Variants in PCDHA13 observed in about 807,000 individuals in gnomAD.
The protein encoded by PCDHA13 is protocadherin alpha 13.
Under a neutral mutation model 64.8 loss-of-function variants are expected in PCDHA13, and 54 were observed. That is an observed-to-expected ratio of 0.83 (90% CI 0.67 to 1.04). The LOEUF (loss-of-function observed/expected upper bound fraction) is 1.04, where lower values mean the gene tolerates loss of function less well. Ranked by LOEUF, PCDHA13 falls within the 50% of genes least tolerant of loss-of-function variation. The pLI, the probability that PCDHA13 is intolerant of heterozygous loss-of-function variation, is 0.00. For missense variants in PCDHA13, 1,248 were observed against 1,254.3 expected (o/e 0.99, Z 0.08); for synonymous variants, 587 against 564.4 (o/e 1.04, Z -0.57).
intron 1 of PCDHA13, among the ~76,000 whole-genome samples, chr5:140,899,481 G>T (rs2153464125): frequency 6.6e-6 from 1 of 152,230 alleles, no homozygotes; most frequent in East Asian, 1.9e-4. Flanking sequence ...CTGTTTATAT[G>T]CTGGATTACA....
At chr5:140,900,776 G>A (rs1407126944) in intron 1 of PCDHA13, among the ~76,000 whole-genome samples, 1 of 152,172 alleles carries the variant, frequency 6.6e-6, no homozygotes, top group Non-Finnish European at 1.5e-5. Flanking sequence ...GCTTTTTGAG[G>A]AAACTCCAAA....
chr5:140,968,401 C>A, intron 1 of PCDHA13: 4 of 1,613,984 alleles, frequency 2.5e-6, no homozygotes, highest in Non-Finnish European at 2.5e-6. Context: ...TTCGGGAGTT[C>A]TTTGTGACTG....
At chr5:140,928,304 AC>A (rs782506310) in intron 1 of PCDHA13, 98 of 1,613,908 alleles carry the variant, frequency 6.1e-5, no homozygotes, top group Non-Finnish European at 7.9e-5. Flanking sequence ...TTTGCCCAGG[AC>A]CCCGACCTGG....
In PCDHA13 at chr5:140,883,484, T is replaced by C; in HGVS notation, c.1216T>C (p.Ser406Pro). 6.2e-7 allele frequency: 1 copy of C among 1,614,066 alleles called. No homozygotes were observed. The highest frequency in any genetic ancestry group is 8.5e-7 in the Non-Finnish European group (1 of 1,180,028). Residue 406 changes from serine (S) to proline (P), a missense_variant, in exon 1 of 4, where the codon TCA becomes CCA. Physicochemically the swap from Ser to Pro is moderately conservative, Grantham distance 74 (BLOSUM62 -1). Transcript: ENST00000289272. The stretch of plus-strand genomic sequence containing the variant: ...GGTGTCCACCTACAAGAACTACTAC[T>C]CATTAGTGCTGGACAGCGCCCTGGA... ...KLVSTYKNYY[S>P]LVLDSALDRE... is the part of the protein sequence containing the mutation.
chr5:140,942,145 CAT>C (rs2093239780), intron 1 of PCDHA13, among the ~76,000 whole-genome samples: 1 of 152,176 alleles, frequency 6.6e-6, no homozygotes, highest in African/African-American at 2.4e-5. Context: ...CTTTACTTGA[CAT>C]AAAACAGCTT....
rs1422050863 is a variant in PCDHA13 at position 140,908,165 on chromosome 5, G to A, written c.2394+23503G>A. ...GTATGTCCTAGGAAGGGGCTGTAGT[G>A]CTGCAGCTGTCCACTTTCAGGTGGT... On this transcript the variant is annotated intron_variant, in intron 1 of 3. Coordinates refer to ENST00000289272, the MANE Select transcript of PCDHA13 (RefSeq NM_018904.3). 2.6e-5 allele frequency among the ~76,000 whole-genome samples: 4 copies of A among 152,222 alleles called. 1 individual carries two copies. The highest frequency in any genetic ancestry group is 5.9e-5 in the Non-Finnish European group (4 of 68,046).
At chr5:140,921,958 A>G (rs155363) in intron 1 of PCDHA13, among the ~76,000 whole-genome samples, 87,659 of 151,706 alleles carry the variant, frequency 0.58, 26,267 homozygotes, top group African/African-American at 0.75. Flanking sequence ...AAATCCCAGA[A>G]AACCAAAGGA....
chr5:140,966,726 C>T, intron 1 of PCDHA13: 3 of 1,402,206 alleles, frequency 2.1e-6, no homozygotes, highest in Non-Finnish European at 1.8e-6. Flanking sequence ...GAAGCTGCCG[C>T]CTCCGGCCCT....
At chr5:140,927,472 G>T (rs201932518) in intron 1 of PCDHA13, 4 of 1,614,094 alleles carry the variant, frequency 2.5e-6, no homozygotes, top group African/African-American at 1.3e-5. Context: ...ACTGGATCGC[G>T]AACAGCGCGC....
At chr5:140,917,117 C>A (rs1318149439) in intron 1 of PCDHA13, among the ~76,000 whole-genome samples, 1 of 152,018 alleles carries the variant, frequency 6.6e-6, no homozygotes, top group Non-Finnish European at 1.5e-5. Flanking sequence ...CCTCCAAGTG[C>A]GCAGACTCCC....
Position 140,914,249 on chromosome 5 carries a change from G to T in PCDHA13, c.2394+29587G>T, listed in dbSNP as rs186578589. 2.8e-3 allele frequency among the ~76,000 whole-genome samples: 422 copies of T among 152,092 alleles called. 2 individuals carry two copies. Among genetic ancestry groups the T allele is most frequent in the Middle Eastern group, 0.014 (4 of 294 alleles). ...AATACTATTTGCTTTTTATATCTGG[G>T]TGCTTCAATGGTGGGTGCATATATA... is the stretch of plus-strand genomic sequence containing the variant. On this transcript the variant is annotated intron_variant, in intron 1 of 3. Coordinates refer to ENST00000289272, the MANE Select transcript of PCDHA13 (RefSeq NM_018904.3).
rs375332226 is a variant in PCDHA13 at position 141,003,567 on chromosome 5, ACTCCCAAAGTG to A, written c.2543-6057_2543-6047del. Among the ~76,000 whole-genome samples, 186 of 152,020 alleles carry A rather than the reference ACTCCCAAAGTG, an allele frequency of 1.2e-3. 1 individual carries two copies. Among genetic ancestry groups the A allele is most frequent in the African/African-American group, 4.1e-3 (172 of 41,464 alleles). On this transcript the variant is annotated intron_variant, in intron 3 of 3. Coordinates refer to ENST00000289272, the MANE Select transcript of PCDHA13 (RefSeq NM_018904.3). ...GCTTCAAGTGATCCACCTGCCTCAGACTCCCAAAGTGCTGGGATTTTAGATGTGAGCCACCA... is the reference window on the plus strand; with the variant it reads ...GCTTCAAGTGATCCACCTGCCTCAGACTGGGATTTTAGATGTGAGCCACCA...
At chr5:140,895,389 C>T (rs553681530) in intron 1 of PCDHA13, among the ~76,000 whole-genome samples, 1 of 152,098 alleles carries the variant, frequency 6.6e-6, no homozygotes, top group South Asian at 2.1e-4. Context: ...CTTCAATTCT[C>T]AACACCATCA....
chr5:140,913,276 CT>C (rs1468388675), intron 1 of PCDHA13, among the ~76,000 whole-genome samples: 1 of 152,070 alleles, frequency 6.6e-6, no homozygotes, highest in Non-Finnish European at 1.5e-5. Flanking sequence ...TGTTATTGGT[CT>C]GTTTAGGTTT....
intron 1 of PCDHA13, chr5:140,927,681 G>A: frequency 6.2e-7 from 1 of 1,614,180 alleles, no homozygotes; most frequent in Non-Finnish European, 8.5e-7. Flanking sequence ...CAGATGAAGG[G>A]TCCAATGGGG....
At chr5:140,886,042 A>G (rs1450330062) in intron 1 of PCDHA13, among the ~76,000 whole-genome samples, 1 of 152,222 alleles carries the variant, frequency 6.6e-6, no homozygotes, top group African/African-American at 2.4e-5. Context: ...GTTTTCCCCA[A>G]TAGTAACATC....
intron 1 of PCDHA13, among the ~76,000 whole-genome samples, chr5:140,952,280 G>A (rs1320502466): frequency 2.0e-5 from 3 of 151,652 alleles, no homozygotes; most frequent in Non-Finnish European, 4.4e-5. Context: ...TGAGGGTGGT[G>A]GCCCTCTTCT....
chr5:140,882,876 A>G lies in PCDHA13; in HGVS notation c.608A>G (p.Glu203Gly), dbSNP rs1554175925. Reference protein sequence around the residue: ...SLVLRKTLDREEIQEHSLLLT... With the variant: ...SLVLRKTLDRGEIQEHSLLLT... Reference sequence around the variant, plus strand: ...GTACTGAGGAAAACACTGGACAGAGAGGAAATTCAGGAACATAGTTTATTA... The same window carrying G: ...GTACTGAGGAAAACACTGGACAGAGGGGAAATTCAGGAACATAGTTTATTA... The change falls in exon 1 of 4, where the codon GAG becomes GGG. Residue 203 changes from glutamate (E) to glycine (G), a missense_variant. Glu to Gly is a moderately conservative substitution (Grantham distance 98, BLOSUM62 -2). Coordinates refer to ENST00000289272, the MANE Select transcript of PCDHA13 (RefSeq NM_018904.3). 6.2e-7 allele frequency: 1 copy of G among 1,614,238 alleles called. No individual in the cohort carries two copies.
At chr5:140,908,248 C>G (rs2073877594) in intron 1 of PCDHA13, among the ~76,000 whole-genome samples, 2 of 152,154 alleles carry the variant, frequency 1.3e-5, no homozygotes, top group South Asian at 4.1e-4. Context: ...TCCTCATCAA[C>G]TGATCATAGG....
Sources: allele counts gnomAD v4.1 joint callset (sites outside exome capture counted in the v4.1 genomes callset), GRCh38; gene constraint gnomAD v4.1.1; transcripts MANE v1.5; gene names NCBI Gene and HGNC (gene_info 2026-07-23, HGNC 2026-07-21).